The following KIAA1191 variants were observed in gnomAD, a reference collection of about 807,000 sequenced individuals.
KIAA1191 encodes putative monooxygenase p33MONOX.
Under a neutral mutation model 31.1 loss-of-function variants are expected in KIAA1191, and 22 were observed. The observed-to-expected ratio is 0.71, with a 90% confidence interval of 0.51 to 1.01. The LOEUF (loss-of-function observed/expected upper bound fraction) is 1.01. Among genes scored for constraint, KIAA1191 ranks in the 50% least tolerant of loss-of-function variants. The probability of loss-of-function intolerance (pLI) is 0.00; values close to 1 mark genes in which losing one functional copy is unlikely to be tolerated. For synonymous variants in KIAA1191, 130 were observed against 143.9 expected, an observed-to-expected ratio of 0.90 and a Z score of 0.69; for missense variants, 319 against 388.0, an observed-to-expected ratio of 0.82 and a Z score of 1.49.
chr5:176,355,818 C>T lies in KIAA1191; in HGVS notation c.29-69G>A. The T allele has an allele frequency of 1.4e-6, 2 of 1,463,132 alleles. No homozygotes were observed. Among genetic ancestry groups the T allele is most frequent in the Non-Finnish European group, 1.9e-6 (2 of 1,045,438 alleles). The allele number at this position is 1,463,132 out of a possible 1,614,324, so 90.6% of individuals were successfully genotyped here. ...ATACTAGCAGCTTTAAATTAATCTA[C>T]AGGAAGGAAAGCTCTGAAATACTCT... On this transcript the variant is annotated intron_variant, in intron 3 of 8. Coordinates refer to ENST00000298569, the MANE Select transcript of KIAA1191 (RefSeq NM_020444.5). This position sits in a 1 kb window ranked among gnomAD's most constrained non-coding sequence, Gnocchi z 4.2.
intron 3 of KIAA1191, among the ~76,000 whole-genome samples, chr5:176,356,803 C>T (rs1767540546): frequency 6.6e-6 from 1 of 152,284 alleles, no homozygotes; most frequent in South Asian, 2.1e-4. Flanking sequence ...AAGACATCAA[C>T]CTGCCTGGCA....
chr5:176,351,837 A>G (rs1047211964), intron 5 of KIAA1191, among the ~76,000 whole-genome samples: 1 of 152,116 alleles, frequency 6.6e-6, no homozygotes, highest in Non-Finnish European at 1.5e-5. Context: ...GGAATTGCCC[A>G]GGACAAACTG....
chr5:176,360,764 G>GT (rs1767929499), intron 1 of KIAA1191, among the ~76,000 whole-genome samples: 1 of 152,034 alleles, frequency 6.6e-6, no homozygotes, highest in Middle Eastern at 3.4e-3. Flanking sequence ...TCGAGCCACT[G>GT]TACTCCAGCC....
chr5:176,359,454 G>T, intron 3 of KIAA1191, 27 bp downstream of exon 3: 1 of 1,610,246 alleles, frequency 6.2e-7, no homozygotes, highest in South Asian at 1.1e-5. Context: ...GGCAAAACAT[G>T]ATTTTACCAA....
intron 3 of KIAA1191, among the ~76,000 whole-genome samples, chr5:176,358,473 T>G (rs1767684054): frequency 6.6e-6 from 1 of 152,122 alleles, no homozygotes; most frequent in African/African-American, 2.4e-5. Flanking sequence ...CCCAGCACTT[T>G]GGGAGGCCAA....
chr5:176,354,199 C>G (rs1340292528), intron 4 of KIAA1191: 1 of 152,314 alleles, frequency 6.6e-6, no homozygotes, highest in Non-Finnish European at 1.5e-5. Context: ...CACAACACCT[C>G]TATGACATAA....
chr5:176,350,043 C>G (rs1230089710), intron 6 of KIAA1191, among the ~76,000 whole-genome samples: 1 of 152,152 alleles, frequency 6.6e-6, no homozygotes. Context: ...TAGATGGCCT[C>G]GAACCTCAAT....
At chr5:176,354,030 G>C (rs1304167670) in intron 4 of KIAA1191, among the ~76,000 whole-genome samples, 1 of 152,222 alleles carries the variant, frequency 6.6e-6, no homozygotes, top group Admixed American at 6.5e-5. Flanking sequence ...GGAGCTGTCT[G>C]CCCTGAAAGT....
In KIAA1191 at chr5:176,350,605, G is replaced by C. The variant is rs1410545846; in HGVS notation, c.459+8C>G. 4 of 1,612,570 alleles carry C rather than the reference G, an allele frequency of 2.5e-6. No individual in the cohort carries two copies. Among genetic ancestry groups the C allele is most frequent in the East Asian group, 2.2e-5 (1 of 44,866 alleles). On this transcript the variant is annotated splice_region_variant and intron_variant, in intron 6 of 8. Transcript: ENST00000298569. ...GGTTTTGTTTTTTCAAAGTTCCTAA[G>C]AGCTTACGTGGAGTGCTTCGGCCAC...
chr5:176,348,453 T>G (rs1028254017), intron 6 of KIAA1191, 97 bp from the exon 7 acceptor site: 6 of 798,388 alleles, frequency 7.5e-6, no homozygotes, highest in Non-Finnish European at 1.2e-5. Flanking sequence ...ATTCTAACTT[T>G]AGGCAGAAGA....
intron 5 of KIAA1191, 30 bp from the exon 6 acceptor site, chr5:176,350,767 C>G: frequency 6.2e-7 from 1 of 1,611,714 alleles, no homozygotes; most frequent in Non-Finnish European, 8.5e-7. Context: ...CAGTCATGCC[C>G]ATTCCCCTCT....
rs1172854655 is a variant in KIAA1191 at position 176,355,090 on chromosome 5, G to A, written c.207+481C>T. 6.6e-6 allele frequency among the ~76,000 whole-genome samples: 1 copy of A among 152,206 alleles called. No homozygotes were observed. The highest frequency in any genetic ancestry group is 1.9e-4 in the East Asian group (1 of 5,194). On this transcript the variant is annotated intron_variant, in intron 4 of 8. Coordinates refer to ENST00000298569, the MANE Select transcript of KIAA1191 (RefSeq NM_020444.5). The surrounding 1 kb of genome is among the most constrained non-coding windows in gnomAD (Gnocchi z 4.2). Reference sequence around the variant, plus strand: ...GCAAGAATTTTAGGTAACTTGCACAGTTCAAGCACTGGGTAGGGGAGCTGG... The same window carrying A: ...GCAAGAATTTTAGGTAACTTGCACAATTCAAGCACTGGGTAGGGGAGCTGG...
chr5:176,359,358 T>G, intron 3 of KIAA1191, 123 bp downstream of exon 3: 3 of 879,364 alleles, frequency 3.4e-6, no homozygotes, highest in Non-Finnish European at 5.5e-6. Flanking sequence ...ATCTAGTAAA[T>G]CTAAATACTC....
At chr5:176,350,397 G>A (rs68181125) in intron 6 of KIAA1191, among the ~76,000 whole-genome samples, 17,800 of 152,154 alleles carry the variant, frequency 0.12, 1,104 homozygotes, top group Admixed American at 0.15. Flanking sequence ...CTATGTATAT[G>A]TAAGCTGAGG....
intron 4 of KIAA1191, chr5:176,354,330 G>A (rs1165161258): frequency 6.6e-6 from 1 of 152,262 alleles, no homozygotes; most frequent in Non-Finnish European, 1.5e-5. Flanking sequence ...CCCTTACTGT[G>A]TACTGCCTGT....
chr5:176,349,126 A>G (rs1437796887), intron 6 of KIAA1191: 1 of 152,238 alleles, frequency 6.6e-6, no homozygotes, highest in Admixed American at 6.5e-5. Flanking sequence ...AGCCATCCTC[A>G]TGTTCTACTC....
chr5:176,350,558 AT>A, intron 6 of KIAA1191, 54 bp downstream of exon 6: 2 of 1,592,604 alleles, frequency 1.3e-6, no homozygotes, highest in Middle Eastern at 4.6e-4. Context: ...CCACAGCCAC[AT>A]TTCAAGCCAT....
In KIAA1191 at chr5:176,348,231, G is replaced by A; in HGVS notation, c.566+19C>T. On this transcript the variant is annotated intron_variant, in intron 7 of 8. Coordinates refer to ENST00000298569, the MANE Select transcript of KIAA1191 (RefSeq NM_020444.5). ...CCTGAAGCACGCAGGAACTCGGAAG[G>A]GTCACAGGAAGGGCTCACCTGGGCC... The A allele has an allele frequency of 8.7e-6, 14 of 1,610,950 alleles. No individual in the cohort carries two copies. The highest frequency in any genetic ancestry group is 1.2e-5 in the Non-Finnish European group (14 of 1,177,716).
At chr5:176,358,141 C>A (rs574031234) in intron 3 of KIAA1191, among the ~76,000 whole-genome samples, 1 of 152,148 alleles carries the variant, frequency 6.6e-6, no homozygotes. Context: ...GAACTTGACT[C>A]ATTAAGGGTT....
Sources: allele counts gnomAD v4.1 joint callset (sites outside exome capture counted in the v4.1 genomes callset), GRCh38; gene constraint gnomAD v4.1.1; non-coding constraint Gnocchi (gnomAD v3.1); transcripts MANE v1.5; gene names NCBI Gene and HGNC (gene_info 2026-07-23, HGNC 2026-07-21).